The following SLC27A5 variants were observed in gnomAD, a reference collection of about 807,000 sequenced individuals.
The protein encoded by SLC27A5 is long-chain fatty acid transport protein 5.
SLC27A5 carries 47 observed loss-of-function variants against 63.1 expected under a neutral mutation model. That is an observed-to-expected ratio of 0.74 (90% CI 0.59 to 0.95). The LOEUF is 0.95. Among genes scored for constraint, SLC27A5 ranks in the 40% least tolerant of loss-of-function variants. The probability of loss-of-function intolerance (pLI) is 0.00; values close to 1 mark genes in which losing one functional copy is unlikely to be tolerated. For synonymous variants in SLC27A5, 391 were observed against 403.8 expected (o/e 0.97, Z 0.38); for missense variants, 940 against 921.0 (o/e 1.02, Z -0.27).
chr19:58,500,257 T>G, intron 6 of SLC27A5, 82 bp downstream of exon 6: 3 of 1,221,482 alleles, frequency 2.5e-6, no homozygotes, highest in Non-Finnish European at 3.6e-6. Context: ...AACGTCAAGC[T>G]TTTGAGCAGC....
intron 3 of SLC27A5, among the ~76,000 whole-genome samples, chr19:58,505,689 TA>T (rs1287147519): frequency 2.1e-5 from 3 of 142,494 alleles, no homozygotes; most frequent in Admixed American, 7.1e-5. Context: ...ACTAAAAACA[TA>T]AAAAAAAATT....
Position 58,498,393 on chromosome 19 carries a change from C to G in SLC27A5, c.*122G>C, listed in dbSNP as rs965173754. Reference sequence around the variant, plus strand: ...TACAGGGCCCACTGTCATTTCCAGCCCACTGAGGTTGAGGGTATGGCCAGG... The same window carrying G: ...TACAGGGCCCACTGTCATTTCCAGCGCACTGAGGTTGAGGGTATGGCCAGG... On this transcript the variant is annotated 3_prime_UTR_variant, in exon 10 of 10. Transcript: ENST00000263093. 29 of 976,410 alleles carry G rather than the reference C, an allele frequency of 3.0e-5. No individual in the cohort carries two copies. The East Asian group carries it at 7.4e-4, about 25-fold the overall frequency. 60.5% of individuals were successfully genotyped at this position (976,410 alleles called of 1,614,324 possible). A position where few individuals can be genotyped will look rare whatever the true frequency, so the allele number is the denominator to read the frequency against.
intron 6 of SLC27A5, among the ~76,000 whole-genome samples, 159 bp downstream of exon 6, chr19:58,500,180 G>A (rs529856979): frequency 6.6e-6 from 1 of 152,072 alleles, no homozygotes; most frequent in Non-Finnish European, 1.5e-5. Flanking sequence ...GGAGGCCCCA[G>A]ATGGTGGTAA....
Position 58,511,742 on chromosome 19 carries a change from C to A in SLC27A5, c.214G>T (p.Ala72Ser). Residue 72 changes from alanine to serine, a missense_variant, in exon 1 of 10, where the codon GCA (alanine) becomes TCA (serine). By Grantham distance (99) the Ala-to-Ser change is moderately conservative (BLOSUM62 1). Transcript: ENST00000263093. ...AGCCGTGCTGGCAGGAGGGTTAGTG[C>A]CAGGGCCGCAGCTGCCAGGCTCAGC... ...HGLSLAAAAL[A>S]LTLLPARLPP... is the part of the protein sequence containing the mutation. The A allele has an allele frequency of 6.4e-7, 1 of 1,551,410 alleles. No individual in the cohort carries two copies. The highest frequency in any genetic ancestry group is 1.2e-5 in the South Asian group (1 of 84,462).
At chr19:58,500,862 C>G in intron 4 of SLC27A5, 156 bp from the exon 5 acceptor site, 1 of 1,435,904 alleles carries the variant, frequency 7.0e-7, no homozygotes, top group Non-Finnish European at 9.1e-7. Flanking sequence ...GGGTTACTTA[C>G]ATGAGAGTAG....
rs778379930 is a variant in SLC27A5 at position 58,498,735 on chromosome 19, G to A, written c.1897-44C>T. The A allele has an allele frequency of 1.6e-4, 251 of 1,609,514 alleles. 1 individual carries two copies. The South Asian group carries it at 2.2e-3, about 14-fold the overall frequency. On this transcript the variant is annotated intron_variant, in intron 9 of 9. Coordinates refer to ENST00000263093, the MANE Select transcript of SLC27A5 (RefSeq NM_012254.3). ...GGTCCAATCACTGTGACATCCACCCGCCCCCTGGCTATGATCTTCCACCCA... is the reference window on the plus strand; with the variant it reads ...GGTCCAATCACTGTGACATCCACCCACCCCCTGGCTATGATCTTCCACCCA...
chr19:58,507,411 A>G (rs2053359901), intron 3 of SLC27A5: 1 of 152,202 alleles, frequency 6.6e-6, no homozygotes, highest in Admixed American at 6.5e-5. Flanking sequence ...ATAATTTCTT[A>G]CGCCTGTCTT....
Position 58,500,565 on chromosome 19 carries a change from C to T in SLC27A5, c.1324G>A (p.Val442Ile). The T allele has an allele frequency of 8.7e-6, 14 of 1,614,172 alleles. No homozygotes were observed. Among genetic ancestry groups the T allele is most frequent in the East Asian group, 4.5e-5 (2 of 44,882 alleles). Residue 442 changes from valine (V) to isoleucine (I), a missense_variant, in exon 5 of 10, where the codon GTC becomes ATC. Coordinates refer to ENST00000263093, the MANE Select transcript of SLC27A5 (RefSeq NM_012254.3). ...YGSTEGNMGL[V>I]NYVGRCGALG... ...GCCCCGCAGCGCCCCACATAGTTGA[C>T]TAAGCCCATGTTGCCTTCTGTGGAG...
In SLC27A5 at chr19:58,510,007, T is replaced by A; in HGVS notation, c.899-2A>T. Reference sequence around the variant, plus strand: ...TGAGGATGGCTGGCTTCGGGAGGCCTTGGGATGAAGGCATGGCAAGGGCAG... The same window carrying A: ...TGAGGATGGCTGGCTTCGGGAGGCCATGGGATGAAGGCATGGCAAGGGCAG... On this transcript the variant is annotated splice_acceptor_variant, in intron 2 of 9. Transcript: ENST00000263093. LOFTEE classifies it high-confidence loss of function. The A allele has an allele frequency of 7.4e-6, 12 of 1,612,602 alleles. No homozygotes were observed. Among genetic ancestry groups the A allele is most frequent in the Non-Finnish European group, 1.0e-5 (12 of 1,179,258 alleles).
Position 58,511,564 on chromosome 19 carries a change from GC to G in SLC27A5, c.391del (p.Ala131HisfsTer29). ...ERRARAQPGR[A>X]LLVWTGPGAG... is the part of the protein sequence containing the mutation. ...CCCAGGCCCCGTCCACACCAAGAGT[GC>G]CCTGCCAGGCTGCGCTCGTGCTCGC... On this transcript the variant is annotated frameshift_variant, in exon 1 of 10. Coordinates refer to ENST00000263093, the MANE Select transcript of SLC27A5 (RefSeq NM_012254.3). LOFTEE classifies it high-confidence loss of function. The G allele has an allele frequency of 6.4e-7, 1 of 1,562,904 alleles. No individual in the cohort carries two copies. Among genetic ancestry groups the G allele is most frequent in the Non-Finnish European group, 8.7e-7 (1 of 1,150,188 alleles).
chr19:58,499,213 C>T lies in SLC27A5; in HGVS notation c.1675G>A (p.Gly559Ser), dbSNP rs779897398. 1 of 1,613,786 alleles carries T rather than the reference C, an allele frequency of 6.2e-7. No individual in the cohort carries two copies. The highest frequency in any genetic ancestry group is 1.1e-5 in the South Asian group (1 of 91,080). Residue 559 changes from glycine to serine, a missense_variant, in exon 8 of 10, where the codon GGC becomes AGC. Coordinates refer to ENST00000263093, the MANE Select transcript of SLC27A5 (RefSeq NM_012254.3). Reference sequence around the variant, plus strand: ...ACCTCGTGCGTGGACACGTTCTCGCCCTTCCATCTGCAAGGAGGGAGCCGG... The same window carrying T: ...ACCTCGTGCGTGGACACGTTCTCGCTCTTCCATCTGCAAGGAGGGAGCCGG... ...DRLGDTFRWK[G>S]ENVSTHEVEG...
At chr19:58,499,256 C>T in intron 7 of SLC27A5, 36 bp from the exon 8 acceptor site, 1 of 1,599,522 alleles carries the variant, frequency 6.3e-7, no homozygotes, top group Non-Finnish European at 8.5e-7. Flanking sequence ...GACCACGCCC[C>T]CGGGAAGGAG....
intron 3 of SLC27A5, among the ~76,000 whole-genome samples, chr19:58,503,166 C>G (rs1432988454): frequency 6.7e-6 from 1 of 149,148 alleles, no homozygotes; most frequent in Non-Finnish European, 1.5e-5. Flanking sequence ...GATAGCGCCA[C>G]TGCACTCCAG....
intron 1 of SLC27A5, 130 bp from the exon 2 acceptor site, chr19:58,511,060 A>C (rs1190571917): frequency 2.1e-6 from 2 of 937,602 alleles, no homozygotes; most frequent in Non-Finnish European, 3.1e-6. Flanking sequence ...TTTGGTAAAG[A>C]ATCCCATCAT....
At position 58,511,831 on chromosome 19, in the gene SLC27A5, C is replaced by A; in HGVS notation, c.125G>T (p.Cys42Phe). ...TLRWLLGDPT[C>F]CVLLGLAMLA... ...CATGGCCAGCCCAAGTAGCACGCAA[C>A]ATGTGGGATCCCCCAGGAGCCAGCG... is the stretch of plus-strand genomic sequence containing the variant. The change falls in exon 1 of 10, where the codon TGT becomes TTT. Residue 42 changes from cysteine (C) to phenylalanine (F), a missense_variant. Cys to Phe is a radical substitution (Grantham distance 205). Transcript: ENST00000263093. The A allele has an allele frequency of 1.3e-6, 2 of 1,559,274 alleles. No homozygotes were observed. Among genetic ancestry groups the A allele is most frequent in the East Asian group, 2.4e-5 (1 of 41,722 alleles).
rs557675071 is a variant in SLC27A5 at position 58,511,648 on chromosome 19, T to A, written c.308A>T (p.Lys103Met). ...FLAKILHLGL[K>M]IRGCLSRQPP... Reference sequence around the variant, plus strand: ...CTGCCGGCTCAAGCATCCCCTGATCTTCAGGCCCAGGTGGAGGATCTTGGC... The same window carrying A: ...CTGCCGGCTCAAGCATCCCCTGATCATCAGGCCCAGGTGGAGGATCTTGGC... Residue 103 changes from lysine to methionine, a missense_variant, in exon 1 of 10, where the codon AAG (lysine) becomes ATG (methionine). Physicochemically the swap from Lys to Met is moderately conservative, Grantham distance 95. Coordinates refer to ENST00000263093, the MANE Select transcript of SLC27A5 (RefSeq NM_012254.3). The A allele has an allele frequency of 1.4e-5, 22 of 1,601,032 alleles. No individual in the cohort carries two copies. The South Asian group carries it at 2.4e-4, about 17-fold the overall frequency.
rs940821708 is a variant in SLC27A5, at chr19:58,499,018, T to C, written c.1766-103A>G. On this transcript the variant is annotated intron_variant, in intron 8 of 9. Transcript: ENST00000263093. Reference sequence around the variant, plus strand: ...CTCACTGGCTGTGAGAGCCAGCAAGTCTCTAAACCTCTCTGGGCCCTAGCA... The same window carrying C: ...CTCACTGGCTGTGAGAGCCAGCAAGCCTCTAAACCTCTCTGGGCCCTAGCA... 3.8e-6 allele frequency: 6 copies of C among 1,586,764 alleles called. No individual in the cohort carries two copies. The African/African-American group carries it at 6.7e-5, about 18-fold the overall frequency.
At chr19:58,503,268 GATGA>G (rs898749277) in intron 3 of SLC27A5, among the ~76,000 whole-genome samples, 7 of 151,858 alleles carry the variant, frequency 4.6e-5, no homozygotes, top group Admixed American at 2.6e-4. Flanking sequence ...TGGGTGGGTG[GATGA>G]ATGAATGAAT....
chr19:58,503,346 C>G (rs890891539), intron 3 of SLC27A5, among the ~76,000 whole-genome samples: 1 of 151,264 alleles, frequency 6.6e-6, no homozygotes, highest in Non-Finnish European at 1.5e-5. Context: ...GTTGTATTGA[C>G]GTATGGACAC....
Sources: allele counts gnomAD v4.1 joint callset (sites outside exome capture counted in the v4.1 genomes callset), GRCh38; gene constraint gnomAD v4.1.1; transcripts MANE v1.5; gene names NCBI Gene and HGNC (gene_info 2026-07-23, HGNC 2026-07-21).